Variants in ERGIC3 observed in about 807,000 individuals in gnomAD.
ERGIC3 encodes endoplasmic reticulum-Golgi intermediate compartment protein 3.
Under a neutral mutation model 54.7 loss-of-function variants are expected in ERGIC3, and 33 were observed. That is an observed-to-expected ratio of 0.60 (90% CI 0.46 to 0.81). The LOEUF is 0.81. ERGIC3 is among the 30% of genes least tolerant of loss of function. The pLI is 0.00. For missense variants in ERGIC3, 399 were observed against 488.4 expected, an observed-to-expected ratio of 0.82 and a Z score of 1.73; for synonymous variants, 186 against 189.8, an observed-to-expected ratio of 0.98 and a Z score of 0.16.
intron 7 of ERGIC3, among the ~76,000 whole-genome samples, chr20:35,551,294 C>CG (rs2064680527): frequency 6.7e-6 from 1 of 148,582 alleles, no homozygotes; most frequent in Non-Finnish European, 1.5e-5. Flanking sequence ...ATTCCATCTC[C>CG]ATTAAAAAAA....
At chr20:35,556,899 G>A (rs2064716378) in intron 10 of ERGIC3, 74 bp from the exon 11 acceptor site, 1 of 1,597,582 alleles carries the variant, frequency 6.3e-7, no homozygotes, top group Non-Finnish European at 8.6e-7. Flanking sequence ...AGGGGAAGGA[G>A]CAGGGGTGGG....
In ERGIC3 at chr20:35,542,332, T is replaced by G; in HGVS notation, c.98T>G (p.Val33Gly). The change falls in exon 2 of 13, where the codon GTC becomes GGC. Residue 33 changes from valine to glycine, a missense_variant. Coordinates refer to ENST00000348547, the MANE Select transcript of ERGIC3 (RefSeq NM_015966.3). Reference sequence around the variant, plus strand: ...GCCCCTTGTCCTGCAGTGACCATTGTCAGTGGCCTTCTCATGCTGCTACTG... The same window carrying G: ...GCCCCTTGTCCTGCAGTGACCATTGGCAGTGGCCTTCTCATGCTGCTACTG... Reference protein sequence around the residue: ...KTCGGATVTIVSGLLMLLLFL... With the variant: ...KTCGGATVTIGSGLLMLLLFL... The G allele has an allele frequency of 1.2e-6, 2 of 1,614,012 alleles. No individual in the cohort carries two copies. Among genetic ancestry groups the G allele is most frequent in the East Asian group, 4.5e-5 (2 of 44,842 alleles).
chr20:35,554,508 C>A, intron 7 of ERGIC3: 1 of 1,053,138 alleles, frequency 9.5e-7, no homozygotes. Context: ...TGCTGGGTGA[C>A]TGTAAAAGGT....
chr20:35,549,030 C>G, intron 7 of ERGIC3, 165 bp downstream of exon 7: 2 of 769,280 alleles, frequency 2.6e-6, no homozygotes, highest in Non-Finnish European at 4.6e-6. Flanking sequence ...GAGCACAGGC[C>G]GAGGAGCCAG....
chr20:35,556,488 C>T (rs954733962), intron 10 of ERGIC3: 9 of 582,418 alleles, frequency 1.5e-5, no homozygotes, highest in Non-Finnish European at 1.5e-5. Flanking sequence ...CTGCCCTCAC[C>T]GCTTCTATCC....
chr20:35,542,173 G>A lies in ERGIC3; in HGVS notation c.76G>A (p.Gly26Arg). 6.3e-7 allele frequency: 1 copy of A among 1,579,070 alleles called. No homozygotes were observed. The highest frequency in any genetic ancestry group is 8.6e-7 in the Non-Finnish European group (1 of 1,161,720). Reference sequence around the variant, plus strand: ...GGAGGACTTCCGGGTCAAGACCTGCGGGGGCGCCACCGGTAGGCCGCAGCG... The same window carrying A: ...GGAGGACTTCCGGGTCAAGACCTGCAGGGGCGCCACCGGTAGGCCGCAGCG... Reference protein sequence around the residue: ...TLEDFRVKTCGGATVTIVSGL... With the variant: ...TLEDFRVKTCRGATVTIVSGL... Residue 26 changes from glycine (G) to arginine (R), a missense_variant, in exon 1 of 13, where the codon GGG becomes AGG. Transcript: ENST00000348547.
chr20:35,550,082 A>G (rs916308685), intron 7 of ERGIC3, among the ~76,000 whole-genome samples: 5 of 152,012 alleles, frequency 3.3e-5, no homozygotes, highest in Non-Finnish European at 5.9e-5. Flanking sequence ...GGGAGGGGCT[A>G]GGGTAGGGCA....
chr20:35,542,415 G>T (rs2064619133), intron 2 of ERGIC3, 22 bp downstream of exon 2: 1 of 1,613,690 alleles, frequency 6.2e-7, no homozygotes, highest in Non-Finnish European at 8.5e-7. Context: ...GGCTTAGTGC[G>T]TGGGCGGGGC....
intron 3 of ERGIC3, 109 bp from the exon 4 acceptor site, chr20:35,542,710 TCTC>T (rs1377717418): frequency 1.4e-5 from 22 of 1,602,980 alleles, no homozygotes; most frequent in Non-Finnish European, 1.9e-5. Context: ...ACAACCTCCT[TCTC>T]CTCATCCCGT....
intron 7 of ERGIC3, among the ~76,000 whole-genome samples, chr20:35,553,748 G>A (rs1034111829): frequency 7.2e-5 from 11 of 152,184 alleles, no homozygotes; most frequent in African/African-American, 2.2e-4. Context: ...AAAGGGTCTT[G>A]CTGGGAGGGC....
At chr20:35,554,499 G>C in intron 7 of ERGIC3, 2 of 1,154,854 alleles carry the variant, frequency 1.7e-6, no homozygotes, top group Non-Finnish European at 2.6e-6. Flanking sequence ...TGACCTGGCT[G>C]CTGGGTGACT....
chr20:35,555,190 A>G (rs2064704458), intron 8 of ERGIC3, 115 bp downstream of exon 8: 1 of 1,232,714 alleles, frequency 8.1e-7, no homozygotes, highest in Non-Finnish European at 1.2e-6. Context: ...AAAATACACC[A>G]CGTTCTGAAT....
At chr20:35,544,013 ACTATCTAT>A (rs11468676) in intron 4 of ERGIC3, 26,466 of 187,524 alleles carry the variant, frequency 0.14, 2,268 homozygotes, top group African/African-American at 0.23. Flanking sequence ...TGAAGAATCT[ACTATCTAT>A]CTATCTATCT....
rs113718222 is a variant in ERGIC3, at chr20:35,555,076, G to A, written c.717+1G>A. 3.8e-6 allele frequency: 6 copies of A among 1,581,684 alleles called. No homozygotes were observed. Among genetic ancestry groups the A allele is most frequent in the Non-Finnish European group, 8.7e-7 (1 of 1,155,808 alleles). On this transcript the variant is annotated splice_donor_variant, in intron 8 of 12. Coordinates refer to ENST00000348547, the MANE Select transcript of ERGIC3 (RefSeq NM_015966.3). LOFTEE classifies it high-confidence loss of function. ...CTTGCAGAGCTTTGGCCTTGACAAC[G>A]TACGTACCAGATGGAAACCATGGAG...
intron 4 of ERGIC3, chr20:35,544,741 G>C (rs1292397073): frequency 1.9e-5 from 3 of 154,678 alleles, no homozygotes; most frequent in Non-Finnish European, 4.3e-5. Context: ...GGGTAGCACA[G>C]AGCCATGGCT....
intron 7 of ERGIC3, chr20:35,554,441 C>G: frequency 1.2e-6 from 2 of 1,608,162 alleles, no homozygotes; most frequent in Non-Finnish European, 1.7e-6. Context: ...GCAGCCTGCC[C>G]TACTAGAATG....
chr20:35,542,617 G>T lies in ERGIC3; in HGVS notation c.247+17G>T. The T allele has an allele frequency of 6.2e-7, 1 of 1,613,588 alleles. No individual in the cohort carries two copies. The highest frequency in any genetic ancestry group is 8.5e-7 in the Non-Finnish European group (1 of 1,179,672). On this transcript the variant is annotated intron_variant, in intron 3 of 12. Coordinates refer to ENST00000348547, the MANE Select transcript of ERGIC3 (RefSeq NM_015966.3). ...CTTGTGCCTGTGAGTACCTCACCAT[G>T]GGTGGGACTGGAGAGACCCAGGGTT...
rs1426366081 is a variant in ERGIC3, at chr20:35,542,928, G to A, written c.354G>A (p.Glu118=). Residue 118 remains glutamate (E), a synonymous_variant, in exon 4 of 13, where the codon GAG becomes GAA. Transcript: ENST00000348547. ...LDKDGIPVSS[E]AERHELGKVE... is the part of the protein sequence containing the mutation. ...AAGATGGCATCCCCGTGAGCTCAGA[G>A]GCTGAGCGGCATGGTAACCAGGGGA... 1.2e-6 allele frequency: 2 copies of A among 1,613,928 alleles called. No homozygotes were observed. The highest frequency in any genetic ancestry group is 1.7e-6 in the Non-Finnish European group (2 of 1,179,998).
chr20:35,553,019 G>GGTTTTTTTTTTT (rs2064689546), intron 7 of ERGIC3, among the ~76,000 whole-genome samples: 2 of 12,632 alleles, frequency 1.6e-4, no homozygotes, highest in Non-Finnish European at 4.3e-4. Context: ...CAAAGCTGGG[G>GGTTTTTTTTTTT]ATTTTTTTTT....
Sources: allele counts gnomAD v4.1 joint callset (sites outside exome capture counted in the v4.1 genomes callset), GRCh38; gene constraint gnomAD v4.1.1; transcripts MANE v1.5; gene names NCBI Gene and HGNC (gene_info 2026-07-23, HGNC 2026-07-21).